The following PLAA variants were observed in gnomAD, a reference collection of about 807,000 sequenced individuals.
PLAA encodes phospholipase A2 activating protein, also known as phospholipase A-2-activating protein.
PLAA carries 48 observed loss-of-function variants against 84.1 expected under a neutral mutation model. That is an observed-to-expected ratio of 0.57 (90% CI 0.45 to 0.73). PLAA has a LOEUF of 0.73. PLAA is among the 30% of genes least tolerant of loss of function. The pLI, the probability that PLAA is intolerant of heterozygous loss-of-function variation, is 0.00. For missense variants in PLAA, 903 were observed against 954.7 expected (o/e 0.95, Z 0.71); for synonymous variants, 392 against 336.6 (o/e 1.16, Z -1.80).
Position 26,913,790 on chromosome 9 carries a change from A to C in PLAA, c.1555+89T>G, listed in dbSNP as rs370619636. ...CTATATAAAAAGTTCTCAAGCAAGAAAATGACACAAATTTTCTTACTCTTT... is the reference window on the plus strand; with the variant it reads ...CTATATAAAAAGTTCTCAAGCAAGACAATGACACAAATTTTCTTACTCTTT... On this transcript the variant is annotated intron_variant, in intron 11 of 13. Coordinates refer to ENST00000397292, the MANE Select transcript of PLAA (RefSeq NM_001031689.3). 1,042 of 939,434 alleles carry C rather than the reference A, an allele frequency of 1.1e-3. 5 individuals carry two copies. In the Middle Eastern group the frequency reaches 0.017, roughly 15 times the overall value. The allele number at this position is 939,434 out of a possible 1,614,324, so 58.2% of individuals were successfully genotyped here. A position where few individuals can be genotyped will look rare whatever the true frequency, so the allele number is the denominator to read the frequency against.
Position 26,905,424 on chromosome 9 carries a change from CT to C in PLAA, c.*86del. 4 of 1,048,858 alleles carry C rather than the reference CT, an allele frequency of 3.8e-6. No homozygotes were observed. The highest frequency in any genetic ancestry group is 1.6e-5 in the South Asian group (1 of 62,150). The allele number at this position is 1,048,858 out of a possible 1,614,324, so 65.0% of individuals were successfully genotyped here. ...AATTTTACTTAATCCACCGTATTCT[CT>C]TTTTTTAATTATCTGTTATCAGTCA... On this transcript the variant is annotated 3_prime_UTR_variant, in exon 14 of 14. Transcript: ENST00000397292.
At chr9:26,931,067 C>T (rs989228480) in intron 2 of PLAA, among the ~76,000 whole-genome samples, 3 of 148,888 alleles carry the variant, frequency 2.0e-5, no homozygotes, top group Non-Finnish European at 4.4e-5. Context: ...TGTAATAAAG[C>T]AAGGAAGACT....
intron 1 of PLAA, among the ~76,000 whole-genome samples, chr9:26,946,203 G>A (rs996016718): frequency 3.9e-5 from 6 of 151,900 alleles, no homozygotes; most frequent in African/African-American, 1.4e-4. Context: ...TAAATATCCT[G>A]TTACAACCAG....
intron 1 of PLAA, among the ~76,000 whole-genome samples, chr9:26,936,408 A>C (rs1681097817): frequency 6.6e-6 from 1 of 152,236 alleles, no homozygotes; most frequent in African/African-American, 2.4e-5. Flanking sequence ...GGAAGTCGGC[A>C]GAGTCGGAAG....
chr9:26,926,711 C>T (rs1054875160), intron 4 of PLAA, 151 bp from the exon 5 acceptor site: 1 of 541,720 alleles, frequency 1.8e-6, no homozygotes, highest in Admixed American at 3.5e-5. Context: ...AGCCTGATAA[C>T]CAAAATTTGT....
intron 8 of PLAA, among the ~76,000 whole-genome samples, chr9:26,919,976 G>C (rs1824704153): frequency 6.6e-6 from 1 of 152,142 alleles, no homozygotes; most frequent in Admixed American, 6.5e-5. Flanking sequence ...AAAATGGCTG[G>C]GAACAGCTTT....
At chr9:26,942,877 CAAA>C (rs34134451) in intron 1 of PLAA, among the ~76,000 whole-genome samples, 3 of 51,352 alleles carry the variant, frequency 5.8e-5, no homozygotes, top group East Asian at 4.8e-4. Context: ...AGACTCGTCT[CAAA>C]AAAAAAAAAA....
intron 10 of PLAA, chr9:26,916,760 T>A (rs1158946494): frequency 2.4e-6 from 2 of 843,778 alleles, no homozygotes; most frequent in African/African-American, 3.7e-5. Context: ...CTTGCCAACT[T>A]CTCATAGCAA....
intron 12 of PLAA, 118 bp from the exon 13 acceptor site, chr9:26,908,116 C>T: frequency 1.6e-6 from 1 of 635,408 alleles, no homozygotes; most frequent in East Asian, 2.9e-5. Context: ...TAAGACTTTA[C>T]TCAGCAATTA....
rs529650155 is a variant in PLAA, at chr9:26,909,513, A to G, written c.1657+825T>C. 5.9e-5 allele frequency among the ~76,000 whole-genome samples: 9 copies of G among 152,344 alleles called. No individual in the cohort carries two copies. The East Asian group carries it at 1.5e-3, about 26-fold the overall frequency. On this transcript the variant is annotated intron_variant, in intron 12 of 13. Transcript: ENST00000397292. Reference sequence around the variant, plus strand: ...ATAATCTTTGTGGCAAACAAAGCTAATAAGTACTCTTAGTCCAAGACAACA... The same window carrying G: ...ATAATCTTTGTGGCAAACAAAGCTAGTAAGTACTCTTAGTCCAAGACAACA...
At chr9:26,906,429 T>A (rs1006037150) in intron 13 of PLAA, among the ~76,000 whole-genome samples, 1 of 147,252 alleles carries the variant, frequency 6.8e-6, no homozygotes. Context: ...AGTTCTTTTT[T>A]TTTTTTTTTT....
At chr9:26,927,127 C>CTTTTTTTTTTTTTTTTTTTTTTT (rs10672584) in intron 4 of PLAA, among the ~76,000 whole-genome samples, 3 of 136,780 alleles carry the variant, frequency 2.2e-5, no homozygotes, top group African/African-American at 2.8e-5. Context: ...TTTTGTTTTT[C>CTTTTTTTTTTTTTTTTTTTTTTT]TTTTTTTTTT....
At chr9:26,925,111 C>T (rs950072665) in intron 6 of PLAA, among the ~76,000 whole-genome samples, 1 of 152,188 alleles carries the variant, frequency 6.6e-6, no homozygotes, top group Non-Finnish European at 1.5e-5. Context: ...TTACTTATTT[C>T]CTACCCATTA....
chr9:26,940,155 A>G (rs72719536), intron 1 of PLAA, among the ~76,000 whole-genome samples: 14,949 of 152,304 alleles, frequency 0.098, 1,558 homozygotes, highest in East Asian at 0.57. Flanking sequence ...CCATTTCTGG[A>G]TATATTCCCA....
At position 26,926,411 on chromosome 9, in the gene PLAA, C is replaced by T. The variant is rs769296984; in HGVS notation, c.715G>A (p.Val239Ile). The T allele has an allele frequency of 2.7e-5, 43 of 1,604,600 alleles. No individual in the cohort carries two copies. The highest frequency in any genetic ancestry group is 1.3e-4 in the East Asian group (6 of 44,748). Residue 239 changes from valine to isoleucine, a missense_variant, in exon 5 of 14, where the codon GTT (valine) becomes ATT (isoleucine). Coordinates refer to ENST00000397292, the MANE Select transcript of PLAA (RefSeq NM_001031689.3). ...GHTNYIYSIS[V>I]FPNCRDFVTT... ...ATCTTACCTCTACAATTTGGAAAAA[C>T]GGATATGCTATAAATATAATTTGTA...
At position 26,924,581 on chromosome 9, in the gene PLAA, ATC is replaced by A. The variant is rs1460464360; in HGVS notation, c.870-1236_870-1235del. ...ATTGATGCCAAAAGTCACTAATAAC[ATC>A]TTTCAAACCAAATCCAAATGCTTTT... On this transcript the variant is annotated intron_variant, in intron 6 of 13. Transcript: ENST00000397292. Among the ~76,000 whole-genome samples the A allele has an allele frequency of 3.3e-5, 5 of 152,156 alleles. No homozygotes were observed. The East Asian group carries it at 9.6e-4, about 29-fold the overall frequency.
At chr9:26,933,280 C>T (rs1041854622) in intron 2 of PLAA, among the ~76,000 whole-genome samples, 3 of 140,670 alleles carry the variant, frequency 2.1e-5, no homozygotes, top group Non-Finnish European at 3.1e-5. Context: ...AAAAAAAAAC[C>T]ATAAAAAAGC....
rs1353116102 is a variant in PLAA, at chr9:26,907,845, T to C, written c.1811A>G (p.Asn604Ser). 1 of 1,607,898 alleles carries C rather than the reference T, an allele frequency of 6.2e-7. No homozygotes were observed. The change falls in exon 13 of 14, where the codon AAC becomes AGC. Residue 604 changes from asparagine (N) to serine (S), a missense_variant. Physicochemically the swap from Asn to Ser is conservative, Grantham distance 46. Coordinates refer to ENST00000397292, the MANE Select transcript of PLAA (RefSeq NM_001031689.3). ...QQLQILWKAINCPEDIVFPAL... is the reference protein window; with the variant it reads ...QQLQILWKAISCPEDIVFPAL... ...GAGTGTTTATTTACCTTCAGGACAGTTAATAGCTTTCCACAAAATCTGAAG... is the reference window on the plus strand; with the variant it reads ...GAGTGTTTATTTACCTTCAGGACAGCTAATAGCTTTCCACAAAATCTGAAG...
chr9:26,917,572 T>TA (rs1199757644), intron 9 of PLAA, among the ~76,000 whole-genome samples: 2 of 152,216 alleles, frequency 1.3e-5, no homozygotes, highest in Non-Finnish European at 2.9e-5. Context: ...GTTAATCATT[T>TA]AGAGCTCTAG....
Sources: gnomAD v4.1 joint callset for allele counts (sites outside exome capture counted in the v4.1 genomes callset) on GRCh38, gnomAD v4.1.1 for gene constraint, MANE v1.5 for transcripts, NCBI Gene and HGNC (gene_info 2026-07-23, HGNC 2026-07-21) for gene names.